Variants in TPRA1 observed in about 807,000 individuals in gnomAD.
The protein encoded by TPRA1 is transmembrane protein adipocyte-associated 1.
TPRA1 carries 28 observed loss-of-function variants against 40.1 expected under a neutral mutation model. That is an observed-to-expected ratio of 0.70 (90% confidence interval 0.52 to 0.96). The LOEUF is 0.96. Ranked by LOEUF, TPRA1 falls within the 40% of genes least tolerant of loss-of-function variation. TPRA1 has a pLI of 0.00. For missense variants in TPRA1, 441 were observed against 482.6 expected, an observed-to-expected ratio of 0.91 and a Z score of 0.81; for synonymous variants, 219 against 209.7, an observed-to-expected ratio of 1.04 and a Z score of -0.38.
chr3:127,593,340 TG>T (rs2074208972), upstream of TPRA1, among the ~76,000 whole-genome samples: 1 of 152,178 alleles, frequency 6.6e-6, no homozygotes, highest in African/African-American at 2.4e-5. Flanking sequence ...CTGATAGCCA[TG>T]GGGATGACAG....
chr3:127,587,679 T>TC (rs892984564), intron 1 of TPRA1, among the ~76,000 whole-genome samples: 8 of 150,064 alleles, frequency 5.3e-5, no homozygotes, highest in African/African-American at 2.0e-4. Context: ...GCTTTTCTTT[T>TC]TTTTTTTTTT....
At chr3:127,579,972 G>A (rs754336466) in intron 2 of TPRA1, 50 bp downstream of exon 2, 2 of 1,610,796 alleles carry the variant, frequency 1.2e-6, no homozygotes, top group South Asian at 2.2e-5. Context: ...CCTACACCAG[G>A]AAAAGCCACT....
chr3:127,592,723 G>T (rs1343533402), upstream of TPRA1, among the ~76,000 whole-genome samples: 35 of 152,198 alleles, frequency 2.3e-4, no homozygotes, highest in Admixed American at 2.3e-3. Context: ...GTGCAGGTGG[G>T]CTGAGGCCTA....
chr3:127,573,506 C>A lies in TPRA1; in HGVS notation c.*15G>T. 6.2e-7 allele frequency: 1 copy of A among 1,605,364 alleles called. No homozygotes were observed. Among genetic ancestry groups the A allele is most frequent in the South Asian group, 1.1e-5 (1 of 90,388 alleles). On this transcript the variant is annotated 3_prime_UTR_variant, in exon 11 of 11. Coordinates refer to ENST00000355552, the MANE Select transcript of TPRA1 (RefSeq NM_001136053.4). ...TCCTCTCTGGCCTGTCCTCCACAGG[C>A]CCTGGCAGCTGCCCTCAGGCATTGA... is the stretch of plus-strand genomic sequence containing the variant.
In TPRA1 at chr3:127,587,716, G is replaced by A. The variant is rs571702165; in HGVS notation, c.-18+2694C>T. Among the ~76,000 whole-genome samples the A allele has an allele frequency of 8.6e-5, 12 of 139,728 alleles. No individual in the cohort carries two copies. In the South Asian group the frequency reaches 1.5e-3, roughly 18 times the overall value. 91.7% of individuals were successfully genotyped at this position (139,728 alleles called of 152,430 possible). ...TTTTGAGACAGAGTCTTGCTCTGTC[G>A]TCCAGGCTGGAGTGCAGTGGCGCGA... is the stretch of plus-strand genomic sequence containing the variant. On this transcript the variant is annotated intron_variant, in intron 1 of 10. Coordinates refer to ENST00000355552, the MANE Select transcript of TPRA1 (RefSeq NM_001136053.4).
intron 1 of TPRA1, among the ~76,000 whole-genome samples, chr3:127,583,175 T>C (rs1576384498): frequency 6.9e-6 from 1 of 143,934 alleles, no homozygotes; most frequent in South Asian, 2.2e-4. Flanking sequence ...TAGCCAGGCA[T>C]GGTGGTGCAT....
chr3:127,594,493 A>G (rs1491003645), upstream of TPRA1, among the ~76,000 whole-genome samples: 2 of 152,160 alleles, frequency 1.3e-5, no homozygotes, highest in African/African-American at 4.8e-5. Flanking sequence ...ACCATTCACA[A>G]AGCAGCTCTG....
In TPRA1 at chr3:127,577,870, A is replaced by G. The variant is rs538742339; in HGVS notation, c.259-794T>C. ...AGTTCAGGGAAGGGCATAGGCCCCA[A>G]GGGAGCCTTGTGAGAGAGACCCAGG... On this transcript the variant is annotated intron_variant, in intron 3 of 10. Transcript: ENST00000355552. Among the ~76,000 whole-genome samples, 12 of 152,336 alleles carry G rather than the reference A, an allele frequency of 7.9e-5. No homozygotes were observed. In the East Asian group the frequency reaches 2.1e-3, roughly 27 times the overall value.
chr3:127,592,178 C>CACATTCA (rs1452518583), upstream of TPRA1, among the ~76,000 whole-genome samples: 1 of 152,086 alleles, frequency 6.6e-6, no homozygotes, highest in African/African-American at 2.4e-5. Context: ...CACTCTCACG[C>CACATTCA]ACATTCAATT....
rs1259949415 is a variant in TPRA1 at position 127,577,019 on chromosome 3, T to C, written c.316A>G (p.Thr106Ala). The C allele has an allele frequency of 1.9e-6, 3 of 1,613,662 alleles. No homozygotes were observed. In the Admixed American group the frequency reaches 5.0e-5, roughly 27 times the overall value. The change falls in exon 4 of 11, where the codon ACC becomes GCC. Residue 106 changes from threonine (T) to alanine (A), a missense_variant. Physicochemically the swap from Thr to Ala is moderately conservative, Grantham distance 58 (BLOSUM62 0). Coordinates refer to ENST00000355552, the MANE Select transcript of TPRA1 (RefSeq NM_001136053.4). ...TCAGCAACAGTTGCAGCGTTCGAGGTGCTCACCGTCATGGATACCACGGCC... is the reference window on the plus strand; with the variant it reads ...TCAGCAACAGTTGCAGCGTTCGAGGCGCTCACCGTCATGGATACCACGGCC... ...ARAVVSMTVS[T>A]SNAATVADKI...
At position 127,575,168 on chromosome 3, in the gene TPRA1, G is replaced by A. The variant is rs1297072863; in HGVS notation, c.854+17C>T. On this transcript the variant is annotated intron_variant, in intron 10 of 10. Transcript: ENST00000355552. ...CCGCCGGCAGCCACGCGGGGGCGCC[G>A]GCGGCCACAGACTCACCCGAAGAAG... 12 of 1,611,262 alleles carry A rather than the reference G, an allele frequency of 7.4e-6. No individual in the cohort carries two copies. Among genetic ancestry groups the A allele is most frequent in the Non-Finnish European group, 8.5e-6 (10 of 1,179,300 alleles).
chr3:127,589,132 G>C (rs1454479938), intron 1 of TPRA1, among the ~76,000 whole-genome samples: 1 of 152,162 alleles, frequency 6.6e-6, no homozygotes. Flanking sequence ...GAGTCTCCCA[G>C]ACTCACAACA....
chr3:127,589,927 G>A (rs1559852880), intron 1 of TPRA1, among the ~76,000 whole-genome samples: 1 of 152,214 alleles, frequency 6.6e-6, no homozygotes, highest in Admixed American at 6.5e-5. Context: ...GGCAAAGCCA[G>A]CCCCCACCTG....
intron 1 of TPRA1, among the ~76,000 whole-genome samples, chr3:127,588,743 G>A (rs878867416): frequency 6.6e-6 from 1 of 152,156 alleles, no homozygotes; most frequent in African/African-American, 2.4e-5. Context: ...TAGTTAATAG[G>A]ATGCACACTT....
upstream of TPRA1, among the ~76,000 whole-genome samples, chr3:127,594,401 C>A (rs1297024983): frequency 6.6e-6 from 1 of 152,206 alleles, no homozygotes; most frequent in Non-Finnish European, 1.5e-5. Context: ...AAGCTTACAG[C>A]AAGCTCTGGT....
chr3:127,575,081 C>T (rs1203400642), intron 10 of TPRA1, 104 bp downstream of exon 10: 5 of 1,258,404 alleles, frequency 4.0e-6, no homozygotes, highest in Admixed American at 4.2e-5. Flanking sequence ...CGCATGCGCA[C>T]TGTATGCATA....
upstream of TPRA1, chr3:127,592,037 T>C (rs1007296427): frequency 6.6e-6 from 1 of 152,218 alleles, no homozygotes; most frequent in Non-Finnish European, 1.5e-5. Flanking sequence ...TGTGCATACC[T>C]AAGTTTAGGC....
rs563701302 is a variant in TPRA1 at position 127,596,012 on chromosome 3, G to A, written c.-390-322C>T. Among the ~76,000 whole-genome samples the A allele has an allele frequency of 5.9e-5, 9 of 152,228 alleles. No homozygotes were observed. The South Asian group carries it at 1.2e-3, about 21-fold the overall frequency. On this transcript the variant is annotated intron_variant, in intron 1 of 3. Transcript: ENST00000462228. ...AAGAAGAGGCACCCAGTGGCATCGTGTCCAGATCCCTGATCCACAGACACC... is the reference window on the plus strand; with the variant it reads ...AAGAAGAGGCACCCAGTGGCATCGTATCCAGATCCCTGATCCACAGACACC...
intron 1 of TPRA1, among the ~76,000 whole-genome samples, chr3:127,587,675 C>CG: frequency 7.7e-6 from 1 of 129,770 alleles, no homozygotes; most frequent in African/African-American, 2.8e-5. Context: ...TGCTGCTTTT[C>CG]TTTTTTTTTT....
Sources: allele counts gnomAD v4.1 joint callset (sites outside exome capture counted in the v4.1 genomes callset), GRCh38; gene constraint gnomAD v4.1.1; transcripts MANE v1.5; gene names NCBI Gene and HGNC (gene_info 2026-07-23, HGNC 2026-07-21).